The following KCNJ16 variants were observed in gnomAD, a reference collection of about 807,000 sequenced individuals.
KCNJ16 encodes inward rectifier potassium channel 16.
In KCNJ16, 15 loss-of-function variants were observed where a neutral mutation model predicts 18.5. The observed-to-expected ratio is 0.81, with a 90% CI of 0.54 to 1.25. The LOEUF (loss-of-function observed/expected upper bound fraction) is 1.25, where lower values mean the gene tolerates loss of function less well. KCNJ16 is among the 50% of genes most tolerant of loss of function. The pLI is 0.00. For missense variants in KCNJ16, 523 were observed against 525.7 expected, an observed-to-expected ratio of 0.99 and a Z score of 0.05; for synonymous variants, 174 against 186.5, an observed-to-expected ratio of 0.93 and a Z score of 0.55.
At chr17:70,123,583 T>C (rs2073737153) in intron 2 of KCNJ16, among the ~76,000 whole-genome samples, 1 of 152,238 alleles carries the variant, frequency 6.6e-6, no homozygotes, top group Non-Finnish European at 1.5e-5. Context: ...CTAGCTATTA[T>C]GCGCTTTCAT....
chr17:70,094,364 A>T (rs117253761), intron 1 of KCNJ16, among the ~76,000 whole-genome samples: 2,311 of 152,278 alleles, frequency 0.015, 26 homozygotes, highest in Non-Finnish European at 0.021. Context: ...TTTGGAGGGT[A>T]AGGGAAGTTG....
intron 1 of KCNJ16, among the ~76,000 whole-genome samples, chr17:70,080,206 C>A (rs1320438659): frequency 6.6e-6 from 1 of 152,084 alleles, no homozygotes; most frequent in Non-Finnish European, 1.5e-5. Context: ...TCCATGTTTT[C>A]ATGTAGTTCA....
chr17:70,095,577 G>A (rs1474769012), intron 1 of KCNJ16, among the ~76,000 whole-genome samples: 2 of 151,968 alleles, frequency 1.3e-5, no homozygotes, highest in Non-Finnish European at 1.5e-5. Context: ...CTGCCTGTGA[G>A]TCTCTGGCAA....
At chr17:70,079,987 G>A (rs1388794372) in intron 1 of KCNJ16, among the ~76,000 whole-genome samples, 6 of 152,194 alleles carry the variant, frequency 3.9e-5, no homozygotes, top group Admixed American at 3.9e-4. Context: ...ACAGGCGTGA[G>A]CAACCACATC....
intron 1 of KCNJ16, among the ~76,000 whole-genome samples, chr17:70,081,269 C>G (rs1771695277): frequency 6.6e-6 from 1 of 152,082 alleles, no homozygotes; most frequent in African/African-American, 2.4e-5. Flanking sequence ...CTAATTTGAA[C>G]AAATTATCTA....
At chr17:70,078,626 G>T (rs1295587355) in intron 1 of KCNJ16, among the ~76,000 whole-genome samples, 2 of 152,054 alleles carry the variant, frequency 1.3e-5, no homozygotes, top group African/African-American at 4.8e-5. Context: ...TAAATCAGAG[G>T]CATGTTCTCA....
intron 2 of KCNJ16, among the ~76,000 whole-genome samples, chr17:70,109,869 C>T (rs1285610514): frequency 6.6e-6 from 1 of 152,134 alleles, no homozygotes; most frequent in African/African-American, 2.4e-5. Flanking sequence ...AGCTCCCAGC[C>T]CCACAATCTG....
intron 1 of KCNJ16, among the ~76,000 whole-genome samples, chr17:70,079,037 G>A (rs906126740): frequency 9.2e-5 from 14 of 152,056 alleles, no homozygotes; most frequent in African/African-American, 2.4e-4. Context: ...TATTAGTCAA[G>A]GATCTCTAGA....
chr17:70,098,192 C>T (rs940698625), intron 1 of KCNJ16, among the ~76,000 whole-genome samples: 5 of 152,184 alleles, frequency 3.3e-5, no homozygotes, highest in African/African-American at 7.2e-5. Flanking sequence ...TTTGTCTCAA[C>T]GAGTTTGGTT....
At chr17:70,096,604 T>A in intron 1 of KCNJ16, 1 of 223,186 alleles carries the variant, frequency 4.5e-6, no homozygotes, top group East Asian at 9.2e-5. Context: ...CTATCATTAT[T>A]ATTACATCAT....
intron 2 of KCNJ16, among the ~76,000 whole-genome samples, chr17:70,105,568 C>A (rs145843441): frequency 5.3e-5 from 8 of 152,144 alleles, no homozygotes; most frequent in African/African-American, 9.7e-5. Flanking sequence ...GGAATTACAT[C>A]TTCACAACTA....
chr17:70,116,879 G>A (rs747599684), intron 2 of KCNJ16, among the ~76,000 whole-genome samples: 10 of 152,298 alleles, frequency 6.6e-5, no homozygotes, highest in African/African-American at 1.2e-4. Flanking sequence ...TTCAGCCACC[G>A]TGGAAAGCAG....
intron 1 of KCNJ16, among the ~76,000 whole-genome samples, chr17:70,098,571 A>C (rs1272309472): frequency 2.0e-5 from 3 of 150,616 alleles, no homozygotes; most frequent in Admixed American, 1.3e-4. Context: ...CTAGTGGCAT[A>C]TAATAATTGT....
chr17:70,106,635 G>A (rs750398423), intron 2 of KCNJ16, among the ~76,000 whole-genome samples: 4 of 152,178 alleles, frequency 2.6e-5, no homozygotes, highest in Non-Finnish European at 4.4e-5. Flanking sequence ...AGCTGCCTCT[G>A]ACAACTAATA....
chr17:70,110,861 T>C (rs2073156679), intron 2 of KCNJ16, among the ~76,000 whole-genome samples: 2 of 152,286 alleles, frequency 1.3e-5, no homozygotes, highest in Non-Finnish European at 2.9e-5. Flanking sequence ...TCAGCTTCCT[T>C]TGACCTCTTT....
At chr17:70,083,719 A>G (rs1180943423) in intron 1 of KCNJ16, among the ~76,000 whole-genome samples, 3 of 151,532 alleles carry the variant, frequency 2.0e-5, no homozygotes, top group African/African-American at 7.2e-5. Flanking sequence ...CCTCATTGTT[A>G]AGTGACACAT....
At chr17:70,127,833 A>G (rs753317285) in intron 2 of KCNJ16, among the ~76,000 whole-genome samples, 35 of 152,214 alleles carry the variant, frequency 2.3e-4, no homozygotes, top group Non-Finnish European at 3.4e-4. Flanking sequence ...TTTACATGGT[A>G]AAGAAGGCAC....
chr17:70,133,225 G>T lies in KCNJ16; in HGVS notation c.1138G>T (p.Val380Phe). 1 of 1,614,180 alleles carries T rather than the reference G, an allele frequency of 6.2e-7. No individual in the cohort carries two copies. The highest frequency in any genetic ancestry group is 1.3e-5 in the African/African-American group (1 of 75,036). The change falls in exon 4 of 4, where the codon GTC (valine) becomes TTC (phenylalanine). Residue 380 changes from valine to phenylalanine, a missense_variant. Physicochemically the swap from Val to Phe is conservative, Grantham distance 50. Transcript: ENST00000392671. Reference protein sequence around the residue: ...RRRSFSAVAIVSSCENPEETT... With the variant: ...RRRSFSAVAIFSSCENPEETT... ...AAGGTCATTTAGTGCAGTTGCCATT[G>T]TCAGCAGCTGTGAAAACCCTGAGGA...
intron 2 of KCNJ16, among the ~76,000 whole-genome samples, chr17:70,129,114 G>T (rs538513967): frequency 6.6e-6 from 1 of 152,154 alleles, no homozygotes; most frequent in East Asian, 1.9e-4. Flanking sequence ...CCTCCACCCC[G>T]CAGCTTCCAG....
Sources: gnomAD v4.1 joint callset for allele counts (sites outside exome capture counted in the v4.1 genomes callset) on GRCh38, gnomAD v4.1.1 for gene constraint, MANE v1.5 for transcripts, NCBI Gene and HGNC (gene_info 2026-07-23, HGNC 2026-07-21) for gene names.